The following RICTOR variants were observed in gnomAD, a reference collection of about 807,000 sequenced individuals.
RICTOR encodes the protein rapamycin-insensitive companion of mTOR.
Under a neutral mutation model 214.9 loss-of-function variants are expected in RICTOR, and 49 were observed. That is an observed-to-expected ratio of 0.23 (90% confidence interval 0.18 to 0.29). The LOEUF is 0.29. RICTOR is among the 10% of genes least tolerant of loss of function. The pLI, the probability that RICTOR is intolerant of heterozygous loss-of-function variation, is 1.00. For synonymous variants in RICTOR, 717 were observed against 711.3 expected, an observed-to-expected ratio of 1.01 and a Z score of -0.13; for missense variants, 1,625 against 2,047.0, an observed-to-expected ratio of 0.79 and a Z score of 3.98.
chr5:38,965,532 T>C (rs927218656), intron 15 of RICTOR, among the ~76,000 whole-genome samples: 1 of 151,926 alleles, frequency 6.6e-6, no homozygotes, highest in Non-Finnish European at 1.5e-5. Context: ...GGGAAAAAGA[T>C]AAAATGTATA....
intron 36 of RICTOR, among the ~76,000 whole-genome samples, chr5:38,943,434 C>T (rs1031659665): frequency 6.6e-6 from 1 of 152,024 alleles, no homozygotes; most frequent in South Asian, 2.1e-4. Flanking sequence ...GTTAAGGGCC[C>T]GCTCCCAGAG....
Position 38,942,083 on chromosome 5 carries a change from T to C in RICTOR, c.*221A>G, listed in dbSNP as rs887452937. 1 of 383,160 alleles carries C rather than the reference T, an allele frequency of 2.6e-6. No homozygotes were observed. Among genetic ancestry groups the C allele is most frequent in the African/African-American group, 2.1e-5 (1 of 48,598 alleles). The allele number at this position is 383,160 out of a possible 1,614,324, so 23.7% of individuals were successfully genotyped here. On this transcript the variant is annotated 3_prime_UTR_variant, in exon 38 of 38. Coordinates refer to ENST00000357387, the MANE Select transcript of RICTOR (RefSeq NM_152756.5). ...ACTGAAACTCTTAAAACTGTGGTAATGAATCATGAACCCCTCAAAAGGCTC... is the reference window on the plus strand; with the variant it reads ...ACTGAAACTCTTAAAACTGTGGTAACGAATCATGAACCCCTCAAAAGGCTC...
chr5:38,961,642 T>A (rs1749804953), intron 19 of RICTOR, among the ~76,000 whole-genome samples: 1 of 152,168 alleles, frequency 6.6e-6, no homozygotes, highest in African/African-American at 2.4e-5. Context: ...GTTAGTACTA[T>A]GCTTTTTTAT....
chr5:39,063,313 G>A (rs1758675655), intron 2 of RICTOR, among the ~76,000 whole-genome samples: 1 of 152,114 alleles, frequency 6.6e-6, no homozygotes, highest in African/African-American at 2.4e-5. Flanking sequence ...GAGCCTGTCT[G>A]TAATATAATC....
At chr5:38,943,274 A>G (rs745309137) in intron 36 of RICTOR, 3 of 211,446 alleles carry the variant, frequency 1.4e-5, no homozygotes, top group Admixed American at 5.6e-5. Flanking sequence ...GATGATTAAA[A>G]TATGTTCCAA....
chr5:38,958,624 T>A, intron 23 of RICTOR, 43 bp downstream of exon 23: 1 of 1,524,232 alleles, frequency 6.6e-7, no homozygotes, highest in Non-Finnish European at 8.9e-7. Context: ...AATGAGTATT[T>A]CAAAAAAATT....
intron 5 of RICTOR, among the ~76,000 whole-genome samples, chr5:39,001,350 A>G (rs904286136): frequency 6.6e-6 from 1 of 152,126 alleles, no homozygotes; most frequent in Non-Finnish European, 1.5e-5. Flanking sequence ...ATTTTCAATA[A>G]AAGGTGCTAA....
chr5:38,959,965 T>A lies in RICTOR; in HGVS notation c.1865A>T (p.Tyr622Phe), dbSNP rs765156845. The A allele has an allele frequency of 6.8e-6, 11 of 1,607,106 alleles. No individual in the cohort carries two copies. The highest frequency in any genetic ancestry group is 9.4e-6 in the Non-Finnish European group (11 of 1,174,038). ...AATATCCTTTACTAGATCTTCTAAG[T>A]AGCCTTGCCCATCCTAAAAGTAAAT... is the stretch of plus-strand genomic sequence containing the variant. ...LLESEEDGQG[Y>F]LEDLVKDIVQ... Residue 622 changes from tyrosine (Y) to phenylalanine (F), a missense_variant, in exon 21 of 38, where the codon TAC (tyrosine) becomes TTC (phenylalanine). Tyr to Phe is a conservative substitution (Grantham distance 22). Transcript: ENST00000357387.
intron 3 of RICTOR, among the ~76,000 whole-genome samples, chr5:39,006,812 T>C (rs1444192211): frequency 7.5e-6 from 1 of 133,426 alleles, no homozygotes; most frequent in East Asian, 2.2e-4. Flanking sequence ...CAGAATAGGG[T>C]AGGAGACAGG....
rs184775502 is a variant in RICTOR at position 38,996,810 on chromosome 5, A to G, written c.456+9T>C. 2.1e-4 allele frequency: 332 copies of G among 1,590,394 alleles called. No individual in the cohort carries two copies. The highest frequency in any genetic ancestry group is 4.2e-4 in the Admixed American group (25 of 59,574). ...AAATTTGCCTTTTACTCTCACACAT[A>G]GAGCATACCTTTCTGACTAATCGAA... is the stretch of plus-strand genomic sequence containing the variant. On this transcript the variant is annotated intron_variant, in intron 6 of 37. Transcript: ENST00000357387.
Position 38,975,548 on chromosome 5 carries a change from C to T in RICTOR, c.878G>A (p.Arg293Gln), listed in dbSNP as rs1333272721. ...ASKMGIIATFRSWAGIINLCK... is the reference protein window; with the variant it reads ...ASKMGIIATFQSWAGIINLCK... ...GTAGAGTAACCTACCTGCCCATGAT[C>T]GGAATGTTGCTATGATTCCCATTTT... The change falls in exon 10 of 38, where the codon CGA becomes CAA. Residue 293 changes from arginine (R) to glutamine (Q), a missense_variant. This residue lies in a region of RICTOR where 258 missense variants were observed against 393.7 expected (regional missense o/e 0.66). Coordinates refer to ENST00000357387, the MANE Select transcript of RICTOR (RefSeq NM_152756.5). The T allele has an allele frequency of 5.6e-6, 9 of 1,612,690 alleles. No individual in the cohort carries two copies. The highest frequency in any genetic ancestry group is 6.8e-6 in the Non-Finnish European group (8 of 1,178,880).
intron 7 of RICTOR, 49 bp downstream of exon 7, chr5:38,990,900 A>G (rs763258776): frequency 3.2e-6 from 4 of 1,256,956 alleles, no homozygotes; most frequent in Non-Finnish European, 4.5e-6. Flanking sequence ...CAAATGTTAT[A>G]TATCCTTTCT....
At chr5:38,978,170 T>C (rs1579977312) in intron 9 of RICTOR, among the ~76,000 whole-genome samples, 1 of 152,146 alleles carries the variant, frequency 6.6e-6, no homozygotes, top group Admixed American at 6.5e-5. Context: ...TAATATTTAC[T>C]CTATTCTCAT....
At chr5:39,037,659 A>G (rs553766566) in intron 2 of RICTOR, among the ~76,000 whole-genome samples, 18 of 152,244 alleles carry the variant, frequency 1.2e-4, no homozygotes, top group Non-Finnish European at 2.2e-4. Flanking sequence ...CCACAGACAT[A>G]CAAACTACGA....
At chr5:39,039,080 C>T (rs1284800552) in intron 2 of RICTOR, among the ~76,000 whole-genome samples, 2 of 152,162 alleles carry the variant, frequency 1.3e-5, no homozygotes, top group African/African-American at 4.8e-5. Flanking sequence ...TACAAGGCTA[C>T]AGTAACCAAA....
intron 2 of RICTOR, among the ~76,000 whole-genome samples, chr5:39,054,061 T>G (rs1758037148): frequency 6.6e-6 from 1 of 151,826 alleles, no homozygotes; most frequent in Non-Finnish European, 1.5e-5. Context: ...CAGCCTGGGC[T>G]ACGGTGTGAG....
At chr5:38,956,480 G>A (rs996459247) in intron 25 of RICTOR, among the ~76,000 whole-genome samples, 1 of 151,990 alleles carries the variant, frequency 6.6e-6, no homozygotes, top group African/African-American at 2.4e-5. Context: ...TTCTTCATAA[G>A]TCTATAATGT....
At chr5:38,952,529 C>G in intron 29 of RICTOR, 104 bp from the exon 30 acceptor site, 1 of 684,992 alleles carries the variant, frequency 1.5e-6, no homozygotes. Context: ...TTCTCTAAAA[C>G]CCACCAAAAT....
At chr5:39,038,196 T>C (rs1208353929) in intron 2 of RICTOR, among the ~76,000 whole-genome samples, 2 of 152,146 alleles carry the variant, frequency 1.3e-5, no homozygotes, top group African/African-American at 2.4e-5. Context: ...ATCCAGCATA[T>C]AAACAGAACC....
Sources: allele counts gnomAD v4.1 joint callset (sites outside exome capture counted in the v4.1 genomes callset), GRCh38; gene constraint gnomAD v4.1.1; regional missense constraint gnomAD v4.1.1; transcripts MANE v1.5; gene names NCBI Gene and HGNC (gene_info 2026-07-23, HGNC 2026-07-21).